Variants in SLC1A1 observed in about 807,000 individuals in gnomAD.
SLC1A1 encodes the protein excitatory amino acid transporter 3.
In SLC1A1, 43 loss-of-function variants were observed where a neutral mutation model predicts 53.3. The observed-to-expected ratio is 0.81, with a 90% CI of 0.63 to 1.04. The LOEUF (loss-of-function observed/expected upper bound fraction) is 1.04, where lower values mean the gene tolerates loss of function less well. Among genes scored for constraint, SLC1A1 ranks in the 50% least tolerant of loss-of-function variants. The pLI, the probability that SLC1A1 is intolerant of heterozygous loss-of-function variation, is 0.00. For missense variants in SLC1A1, 748 were observed against 664.9 expected (o/e 1.12, Z -1.37); for synonymous variants, 307 against 243.2 (o/e 1.26, Z -2.44).
chr9:4,577,690 G>A (rs1820688354), intron 10 of SLC1A1, among the ~76,000 whole-genome samples: 1 of 152,134 alleles, frequency 6.6e-6, no homozygotes, highest in African/African-American at 2.4e-5. Flanking sequence ...GGCCAGGCTG[G>A]TCTTGAACTC....
rs748836532 is a variant in SLC1A1, at chr9:4,583,768, G to A, written c.1328+596G>A. On this transcript the variant is annotated intron_variant, in intron 11 of 11. Transcript: ENST00000262352. The surrounding 1 kb of genome is among the most constrained non-coding windows in gnomAD (Gnocchi z 4.6). Reference sequence around the variant, plus strand: ...GAGTGGAGCATCTAGAACAGCGTTTGGCAGCCCATACATGCTCAATAAATG... The same window carrying A: ...GAGTGGAGCATCTAGAACAGCGTTTAGCAGCCCATACATGCTCAATAAATG... Among the ~76,000 whole-genome samples the A allele has an allele frequency of 4.3e-4, 66 of 151,990 alleles. No homozygotes were observed. Among genetic ancestry groups the A allele is most frequent in the Non-Finnish European group, 7.9e-4 (54 of 68,008 alleles).
chr9:4,552,676 C>A (rs934338467), intron 2 of SLC1A1, among the ~76,000 whole-genome samples: 2 of 152,000 alleles, frequency 1.3e-5, no homozygotes, highest in South Asian at 4.2e-4. Flanking sequence ...GTTAAGAGTA[C>A]AGACAGGAGC....
At chr9:4,563,126 G>GAA (rs137922857) in intron 3 of SLC1A1, among the ~76,000 whole-genome samples, 37 of 102,838 alleles carry the variant, frequency 3.6e-4, no homozygotes, top group African/African-American at 9.4e-4. Flanking sequence ...AATAATAAAA[G>GAA]AAAAAAAAAG....
chr9:4,530,091 A>G (rs1304740452), intron 1 of SLC1A1, among the ~76,000 whole-genome samples: 1 of 152,156 alleles, frequency 6.6e-6, no homozygotes, highest in East Asian at 1.9e-4. Flanking sequence ...TGACTTGATT[A>G]CTTCCCTTAT....
chr9:4,541,777 G>T (rs1817031425), intron 1 of SLC1A1, among the ~76,000 whole-genome samples: 1 of 152,076 alleles, frequency 6.6e-6, no homozygotes, highest in Admixed American at 6.6e-5. Context: ...CTTAGTTCTG[G>T]GAGTGGCCTT....
chr9:4,509,537 A>G (rs1820923694), intron 1 of SLC1A1, among the ~76,000 whole-genome samples: 1 of 146,474 alleles, frequency 6.8e-6, no homozygotes. Flanking sequence ...GCAGAAGAAC[A>G]GGGGAAGGGA....
intron 1 of SLC1A1, among the ~76,000 whole-genome samples, chr9:4,538,484 G>A (rs1816757528): frequency 6.6e-6 from 1 of 152,122 alleles, no homozygotes; most frequent in East Asian, 1.9e-4. Context: ...TTTCCCTTTA[G>A]CTTAGGGATT....
Position 4,544,673 on chromosome 9 carries a change from C to T in SLC1A1, c.198C>T (p.Ile66=), listed in dbSNP as rs369278485. The T allele has an allele frequency of 1.2e-6, 2 of 1,613,464 alleles. No homozygotes were observed. Among genetic ancestry groups the T allele is most frequent in the Non-Finnish European group, 1.7e-6 (2 of 1,179,446 alleles). Residue 66 remains isoleucine, a synonymous_variant, in exon 2 of 12, where the codon ATC becomes ATT. Coordinates refer to ENST00000262352, the MANE Select transcript of SLC1A1 (RefSeq NM_004170.6). ...GEILMRMLKL[I]ILPLIISSMI... is the part of the protein sequence containing the mutation. ...TTCTAATGCGGATGCTGAAACTCAT[C>T]ATTTTGCCATTAATTATATCCAGCA...
intron 10 of SLC1A1, among the ~76,000 whole-genome samples, chr9:4,580,601 A>ATC (rs556150232): frequency 2.9e-5 from 2 of 69,700 alleles, no homozygotes; most frequent in Non-Finnish European, 6.2e-5. Flanking sequence ...AAAAATATAT[A>ATC]TGTGTGTGTG....
At chr9:4,496,872 G>A (rs939456994) in intron 1 of SLC1A1, among the ~76,000 whole-genome samples, 1 of 152,152 alleles carries the variant, frequency 6.6e-6, no homozygotes, top group African/African-American at 2.4e-5. Context: ...CACTCCAGCT[G>A]AGGTGACAGT....
Position 4,585,452 on chromosome 9 carries a change from C to A in SLC1A1, c.1469C>A (p.Thr490Lys). ...GTGAATCCCTTTGCCTTGGAATCCA[C>A]AATCCTTGACAACGAAGACTCAGAC... ...NIVNPFALES[T>K]ILDNEDSDTK... Residue 490 changes from threonine to lysine, a missense_variant, in exon 12 of 12, where the codon ACA becomes AAA. Thr to Lys is a moderately conservative substitution (Grantham distance 78). Transcript: ENST00000262352. 6.2e-7 allele frequency: 1 copy of A among 1,614,236 alleles called. No individual in the cohort carries two copies.
Position 4,585,455 on chromosome 9 carries a change from T to A in SLC1A1, c.1472T>A (p.Ile491Asn), listed in dbSNP as rs758962064. ...AATCCCTTTGCCTTGGAATCCACAA[T>A]CCTTGACAACGAAGACTCAGACACC... ...IVNPFALEST[I>N]LDNEDSDTKK... is the part of the protein sequence containing the mutation. Residue 491 changes from isoleucine (I) to asparagine (N), a missense_variant, in exon 12 of 12, where the codon ATC becomes AAC. Physicochemically the swap from Ile to Asn is moderately radical, Grantham distance 149. Transcript: ENST00000262352. 91 of 1,614,050 alleles carry A rather than the reference T, an allele frequency of 5.6e-5. 1 individual carries two copies. The highest frequency in any genetic ancestry group is 7.2e-5 in the Non-Finnish European group (85 of 1,180,040).
At chr9:4,526,465 C>T (rs1816263072) in intron 1 of SLC1A1, among the ~76,000 whole-genome samples, 1 of 151,980 alleles carries the variant, frequency 6.6e-6, no homozygotes, top group Non-Finnish European at 1.5e-5. Context: ...TGTATAAAGG[C>T]ATGGACAAAA....
In SLC1A1 at chr9:4,497,324, C is replaced by A. The variant is rs137937454; in HGVS notation, c.91+6554C>A. ...AAACCCTGGAAGTCTGGCTCTAGAGCCTCTGCTTCTAACCACTATCCTCTC... is the reference window on the plus strand; with the variant it reads ...AAACCCTGGAAGTCTGGCTCTAGAGACTCTGCTTCTAACCACTATCCTCTC... On this transcript the variant is annotated intron_variant, in intron 1 of 11. Transcript: ENST00000262352. Among the ~76,000 whole-genome samples the A allele has an allele frequency of 6.9e-3, 1,053 of 152,222 alleles. 6 individuals carry two copies. Among genetic ancestry groups the A allele is most frequent in the Admixed American group, 0.013 (200 of 15,294 alleles).
chr9:4,561,435 T>C lies in SLC1A1; in HGVS notation c.233-14T>C, dbSNP rs1204997908. ...TTTAAAATTAATGTAATTTGATTTCTGTCTCCCCTTCAGGTGTTGCTGCAC... is the reference window on the plus strand; with the variant it reads ...TTTAAAATTAATGTAATTTGATTTCCGTCTCCCCTTCAGGTGTTGCTGCAC... On this transcript the variant is annotated splice_polypyrimidine_tract_variant and intron_variant, in intron 2 of 11. Coordinates refer to ENST00000262352, the MANE Select transcript of SLC1A1 (RefSeq NM_004170.6). The C allele has an allele frequency of 8.7e-6, 13 of 1,485,932 alleles. No individual in the cohort carries two copies. The highest frequency in any genetic ancestry group is 8.5e-6 in the Non-Finnish European group (9 of 1,063,208). 92.0% of individuals were successfully genotyped at this position (1,485,932 alleles called of 1,614,324 possible).
At position 4,583,074 on chromosome 9, in the gene SLC1A1, CGTGCCCCAGGCT is replaced by C. The variant is rs1821253468; in HGVS notation, c.1232_1243del (p.Val411_Ala414del). The C allele has an allele frequency of 6.2e-7, 1 of 1,614,096 alleles. No homozygotes were observed. Among genetic ancestry groups the C allele is most frequent in the South Asian group, 1.1e-5 (1 of 91,086 alleles). The stretch of plus-strand genomic sequence containing the variant: ...CATCTGCCAGCATCGGAGCTGCTGG[CGTGCCCCAGGCT>C]GGCCTGGTGACCATGGTGATTGTGC... On this transcript the variant is annotated inframe_deletion, in exon 11 of 12. Transcript: ENST00000262352. The surrounding 1 kb of genome is among the most constrained non-coding windows in gnomAD (Gnocchi z 4.6).
At chr9:4,548,507 G>A (rs765901539) in intron 2 of SLC1A1, among the ~76,000 whole-genome samples, 14 of 151,662 alleles carry the variant, frequency 9.2e-5, no homozygotes, top group Non-Finnish European at 2.1e-4. Context: ...CAAATTAACA[G>A]GTAGAAAAAA....
At chr9:4,584,623 G>A (rs1821418798) in intron 11 of SLC1A1, among the ~76,000 whole-genome samples, 1 of 152,150 alleles carries the variant, frequency 6.6e-6, no homozygotes, top group Non-Finnish European at 1.5e-5. Context: ...TGTCAACAAA[G>A]TGCCAGTATC....
rs143149718 is a variant in SLC1A1 at position 4,544,049 on chromosome 9, G to A, written c.92-518G>A. The stretch of plus-strand genomic sequence containing the variant: ...AAAAATTAGCTGGACATGGTGGTGC[G>A]CATATAGTCCTAGCTACTCGGGAGG... On this transcript the variant is annotated intron_variant, in intron 1 of 11. Transcript: ENST00000262352. Among the ~76,000 whole-genome samples the A allele has an allele frequency of 9.1e-4, 138 of 152,152 alleles. 2 individuals are homozygous for A. In the East Asian group the frequency reaches 0.024, roughly 26 times the overall value.
Sources: gnomAD v4.1 joint callset for allele counts (sites outside exome capture counted in the v4.1 genomes callset) on GRCh38, gnomAD v4.1.1 for gene constraint, Gnocchi (gnomAD v3.1) non-coding constraint, MANE v1.5 for transcripts, NCBI Gene and HGNC (gene_info 2026-07-23, HGNC 2026-07-21) for gene names.